ITGB3: variants seen among roughly 807,000 people sequenced by gnomAD.
The protein encoded by ITGB3 is integrin beta-3.
A neutral mutation model predicts 85.8 loss-of-function variants in ITGB3; 48 were observed. The observed-to-expected ratio is 0.56, with a 90% confidence interval of 0.44 to 0.71. The LOEUF (loss-of-function observed/expected upper bound fraction) is 0.71, where lower values mean the gene tolerates loss of function less well. Ranked by LOEUF, ITGB3 falls within the 30% of genes least tolerant of loss-of-function variation. The pLI is 0.00. For missense variants in ITGB3, 861 were observed against 1,019.1 expected (o/e 0.84, Z 2.11); for synonymous variants, 363 against 395.6 (o/e 0.92, Z 0.98).
At chr17:47,273,374 A>T (rs1156804358) in intron 1 of ITGB3, among the ~76,000 whole-genome samples, 1 of 152,170 alleles carries the variant, frequency 6.6e-6, no homozygotes, top group Non-Finnish European at 1.5e-5. Flanking sequence ...TGCTCCTTAT[A>T]TTGGAAAAAA....
At chr17:47,256,026 T>C (rs2064988498) in intron 1 of ITGB3, among the ~76,000 whole-genome samples, 1 of 152,194 alleles carries the variant, frequency 6.6e-6, no homozygotes, top group Admixed American at 6.5e-5. Flanking sequence ...ATCCTTGTCC[T>C]GTCCAGGATG....
At chr17:47,260,424 C>T (rs1249786001) in intron 1 of ITGB3, among the ~76,000 whole-genome samples, 1 of 152,126 alleles carries the variant, frequency 6.6e-6, no homozygotes, top group African/African-American at 2.4e-5. Flanking sequence ...AAAGAAGATC[C>T]TGCTGTTAAA....
chr17:47,283,007 G>T (rs1244527517), intron 2 of ITGB3, among the ~76,000 whole-genome samples: 1 of 151,932 alleles, frequency 6.6e-6, no homozygotes, highest in East Asian at 1.9e-4. Flanking sequence ...TACTGTACAG[G>T]CTCTCCTTCT....
At chr17:47,254,426 A>T (rs1315600219) in intron 1 of ITGB3, among the ~76,000 whole-genome samples, 1 of 151,362 alleles carries the variant, frequency 6.6e-6, no homozygotes, top group Non-Finnish European at 1.5e-5. Flanking sequence ...CCACATTTCC[A>T]ATTTCTCCTG....
intron 14 of ITGB3, among the ~76,000 whole-genome samples, chr17:47,308,517 T>C (rs1479841591): frequency 2.6e-5 from 4 of 151,826 alleles, no homozygotes; most frequent in Non-Finnish European, 5.9e-5. Context: ...TTCTTTCTCT[T>C]TTTTTTTGGA....
intron 3 of ITGB3, among the ~76,000 whole-genome samples, chr17:47,284,125 T>G (rs2065094142): frequency 6.6e-6 from 1 of 152,258 alleles, no homozygotes. Flanking sequence ...GGGTGCAGTT[T>G]CTGTCTTTTA....
intron 6 of ITGB3, among the ~76,000 whole-genome samples, chr17:47,288,571 G>A (rs899438334): frequency 1.3e-5 from 2 of 152,192 alleles, no homozygotes; most frequent in African/African-American, 4.8e-5. Context: ...AAAGGCAGGA[G>A]ACTGAGCTGA....
chr17:47,264,113 C>T (rs1254627880), intron 1 of ITGB3, among the ~76,000 whole-genome samples: 1 of 152,118 alleles, frequency 6.6e-6, no homozygotes, highest in East Asian at 1.9e-4. Context: ...ACAACTGAGG[C>T]CTGATTGGTC....
chr17:47,285,971 C>T (rs1245175199), intron 4 of ITGB3, among the ~76,000 whole-genome samples: 1 of 152,180 alleles, frequency 6.6e-6, no homozygotes, highest in Non-Finnish European at 1.5e-5. Flanking sequence ...GATTGAGAGG[C>T]TTGCCAAAGG....
At chr17:47,261,076 C>G (rs1280577506) in intron 1 of ITGB3, among the ~76,000 whole-genome samples, 1 of 152,134 alleles carries the variant, frequency 6.6e-6, no homozygotes, top group African/African-American at 2.4e-5. Context: ...ACTTATTCCT[C>G]TTGTCTAACT....
chr17:47,257,465 G>A (rs745348219), intron 1 of ITGB3, among the ~76,000 whole-genome samples: 2 of 152,230 alleles, frequency 1.3e-5, no homozygotes, highest in Non-Finnish European at 2.9e-5. Flanking sequence ...TCCATGAGAA[G>A]AGGGACATGT....
chr17:47,289,927 T>C, intron 7 of ITGB3, 151 bp downstream of exon 7: 1 of 721,328 alleles, frequency 1.4e-6, no homozygotes, highest in Non-Finnish European at 2.5e-6. Flanking sequence ...TCTGGGCCTT[T>C]TTCCTGCAAT....
chr17:47,283,473 C>T lies in ITGB3; in HGVS notation c.285C>T (p.Leu95=), dbSNP rs151121691. The change falls in exon 3 of 15, where the codon CTC becomes CTT. Residue 95 remains leucine, a synonymous_variant. Transcript: ENST00000559488. ...SEARVLEDRP[L]SDKGSGDSSQ... ...CCCGAGTACTAGAGGACAGGCCCCTCAGCGACAAGGGCTCTGGAGACAGCT... is the reference window on the plus strand; with the variant it reads ...CCCGAGTACTAGAGGACAGGCCCCTTAGCGACAAGGGCTCTGGAGACAGCT... 467 of 1,614,222 alleles carry T rather than the reference C, an allele frequency of 2.9e-4. 2 individuals are homozygous for T. Among genetic ancestry groups the T allele is most frequent in the South Asian group, 4.4e-4 (40 of 91,092 alleles).
chr17:47,300,334 G>GGCGCGC lies in ITGB3; in HGVS notation c.1914-136_1914-131dup, dbSNP rs747880536. On this transcript the variant is annotated intron_variant, in intron 11 of 14. Coordinates refer to ENST00000559488, the MANE Select transcript of ITGB3 (RefSeq NM_000212.3). ...TTCAGGTCCCCAGGATTGTCTTACA[G>GGCGCGC]GCGCGCGCGCGCGTGTGTGTGTGTG... 1.9e-4 allele frequency: 95 copies of GGCGCGC among 501,990 alleles called. 1 individual carries two copies. In the African/African-American group the frequency reaches 2.2e-3, roughly 12 times the overall value. The allele number at this position is 501,990 out of a possible 1,614,324, so 31.1% of individuals were successfully genotyped here.
chr17:47,292,848 A>G (rs897357565), intron 10 of ITGB3, among the ~76,000 whole-genome samples: 1 of 152,262 alleles, frequency 6.6e-6, no homozygotes, highest in Non-Finnish European at 1.5e-5. Context: ...TTATCTTTGT[A>G]TCACAAGAGA....
intron 9 of ITGB3, 143 bp from the exon 10 acceptor site, chr17:47,291,996 C>T: frequency 3.8e-6 from 3 of 796,986 alleles, no homozygotes; most frequent in Non-Finnish European, 6.5e-6. Flanking sequence ...ATAGGGAAGG[C>T]TGAGGAACTC....
At chr17:47,258,735 G>A (rs2064999103) in intron 1 of ITGB3, among the ~76,000 whole-genome samples, 1 of 152,114 alleles carries the variant, frequency 6.6e-6, no homozygotes, top group Admixed American at 6.5e-5. Flanking sequence ...GAGCTACTGT[G>A]CCAGGTGCCC....
intron 10 of ITGB3, among the ~76,000 whole-genome samples, chr17:47,293,888 G>C (rs2065136559): frequency 6.6e-6 from 1 of 152,204 alleles, no homozygotes; most frequent in Non-Finnish European, 1.5e-5. Context: ...TTACAGGCAT[G>C]AGCCACTGCG....
chr17:47,292,420 C>T lies in ITGB3; in HGVS notation c.1542C>T (p.Pro514=). Residue 514 remains proline, a synonymous_variant, in exon 10 of 15, where the codon CCC becomes CCT. Coordinates refer to ENST00000559488, the MANE Select transcript of ITGB3 (RefSeq NM_000212.3). ...YRPSQQDECS[P]REGQPVCSQR... ...CTTCCCAGCAGGACGAATGCAGCCC[C>T]CGGGAGGGTCAGCCCGTCTGCAGCC... is the stretch of plus-strand genomic sequence containing the variant. 1 of 1,611,608 alleles carries T rather than the reference C, an allele frequency of 6.2e-7. No homozygotes were observed. Among genetic ancestry groups the T allele is most frequent in the Non-Finnish European group, 8.5e-7 (1 of 1,177,866 alleles).
Sources: allele counts gnomAD v4.1 joint callset (sites outside exome capture counted in the v4.1 genomes callset), GRCh38; gene constraint gnomAD v4.1.1; transcripts MANE v1.5; gene names NCBI Gene and HGNC (gene_info 2026-07-23, HGNC 2026-07-21).